Variants in SH3PXD2B observed in about 807,000 individuals in gnomAD.
SH3PXD2B encodes SH3 and PX domain-containing protein 2B.
A neutral mutation model predicts 73.1 loss-of-function variants in SH3PXD2B; 37 were observed. That is an observed-to-expected ratio of 0.51 (90% CI 0.39 to 0.67). The LOEUF is 0.67. Ranked by LOEUF, SH3PXD2B falls within the 30% of genes least tolerant of loss-of-function variation. SH3PXD2B has a pLI of 0.00. For missense variants in SH3PXD2B, 1,053 were observed against 1,197.8 expected (o/e 0.88, Z 1.78); for synonymous variants, 457 against 480.5 (o/e 0.95, Z 0.64).
rs1217488245 is a variant in SH3PXD2B, at chr5:172,390,233, C to T, written c.309+4330G>A. Among the ~76,000 whole-genome samples, 10 of 152,366 alleles carry T rather than the reference C, an allele frequency of 6.6e-5. No individual in the cohort carries two copies. The East Asian group carries it at 1.9e-3, about 29-fold the overall frequency. On this transcript the variant is annotated intron_variant, in intron 4 of 12. Transcript: ENST00000311601. Reference sequence around the variant, plus strand: ...TACCACCCCCAGGTCTGGGAAACCACTGATCTGCTTTTTGCCTCCATAAAT... The same window carrying T: ...TACCACCCCCAGGTCTGGGAAACCATTGATCTGCTTTTTGCCTCCATAAAT...
intron 8 of SH3PXD2B, among the ~76,000 whole-genome samples, chr5:172,354,467 A>G (rs1436542213): frequency 1.3e-5 from 2 of 152,154 alleles, no homozygotes; most frequent in African/African-American, 4.8e-5. Flanking sequence ...TGTCTTGTTC[A>G]TTCCTGTGTC....
At chr5:172,374,371 G>A (rs2569209) in intron 5 of SH3PXD2B, among the ~76,000 whole-genome samples, 56,756 of 151,982 alleles carry the variant, frequency 0.37, 11,080 homozygotes, top group East Asian at 0.68. Context: ...GTCGTCACCC[G>A]TGTCAGAGTT....
At chr5:172,361,696 TGA>T (rs1322063426) in intron 7 of SH3PXD2B, among the ~76,000 whole-genome samples, 1 of 151,884 alleles carries the variant, frequency 6.6e-6, no homozygotes, top group Non-Finnish European at 1.5e-5. Context: ...CAGGCTGTTG[TGA>T]GATGTGGGGT....
At chr5:172,373,142 C>T (rs1198777511) in intron 6 of SH3PXD2B, among the ~76,000 whole-genome samples, 1 of 152,212 alleles carries the variant, frequency 6.6e-6, no homozygotes, top group Non-Finnish European at 1.5e-5. Flanking sequence ...ACGGGAGTCG[C>T]TTGACGCTGC....
chr5:172,380,576 A>G (rs187193177), intron 5 of SH3PXD2B, among the ~76,000 whole-genome samples: 1 of 152,374 alleles, frequency 6.6e-6, no homozygotes, highest in East Asian at 1.9e-4. Context: ...TGCTTACCAG[A>G]CACCAACGCC....
At chr5:172,362,395 A>G (rs1329311192) in intron 7 of SH3PXD2B, among the ~76,000 whole-genome samples, 1 of 152,202 alleles carries the variant, frequency 6.6e-6, no homozygotes, top group Non-Finnish European at 1.5e-5. Context: ...GCCTTCTCGG[A>G]GACTCCCATG....
At position 172,338,312 on chromosome 5, in the gene SH3PXD2B, AAT is replaced by A; in HGVS notation, c.*55_*56del. The A allele has an allele frequency of 6.2e-7, 1 of 1,612,626 alleles. No individual in the cohort carries two copies. Among genetic ancestry groups the A allele is most frequent in the Non-Finnish European group, 8.5e-7 (1 of 1,179,996 alleles). ...GAATGATAAATTAAGAGGCGTATTAAATACGTGGGTAAAGCCAGCAAGGACCA... is the reference window on the plus strand; with the variant it reads ...GAATGATAAATTAAGAGGCGTATTAAACGTGGGTAAAGCCAGCAAGGACCA... On this transcript the variant is annotated 3_prime_UTR_variant, in exon 13 of 13. Transcript: ENST00000311601. This position sits in a 1 kb window ranked among gnomAD's most constrained non-coding sequence, Gnocchi z 5.1.
At chr5:172,398,266 A>G (rs1050121744) in intron 3 of SH3PXD2B, among the ~76,000 whole-genome samples, 3 of 152,250 alleles carry the variant, frequency 2.0e-5, no homozygotes, top group African/African-American at 7.2e-5. Context: ...TATTGATCTT[A>G]AAGATTGTTT....
intron 12 of SH3PXD2B, among the ~76,000 whole-genome samples, chr5:172,326,361 G>A (rs920266630): frequency 6.6e-6 from 1 of 152,220 alleles, no homozygotes; most frequent in Non-Finnish European, 1.5e-5. Flanking sequence ...ACATGTAAAA[G>A]AGGATTCTGT....
At chr5:172,365,859 GACTC>G (rs34626047) in intron 6 of SH3PXD2B, among the ~76,000 whole-genome samples, 50,914 of 151,818 alleles carry the variant, frequency 0.34, 8,905 homozygotes, top group East Asian at 0.65. Flanking sequence ...CTGGTCACTA[GACTC>G]ACTCTTCTCT....
intron 1 of SH3PXD2B, among the ~76,000 whole-genome samples, chr5:172,432,458 C>T (rs1197893557): frequency 7.2e-5 from 11 of 152,154 alleles, no homozygotes; most frequent in Admixed American, 5.9e-4. Flanking sequence ...GGGGGAGTGT[C>T]GCTCATTCAA....
chr5:172,329,294 G>C (rs1343894271), downstream of SH3PXD2B, among the ~76,000 whole-genome samples: 5 of 150,414 alleles, frequency 3.3e-5, no homozygotes, highest in East Asian at 5.9e-4. Context: ...ATGTTGGTCA[G>C]GCTAGTCACG....
At chr5:172,361,888 T>C (rs1444506548) in intron 7 of SH3PXD2B, among the ~76,000 whole-genome samples, 1 of 152,202 alleles carries the variant, frequency 6.6e-6, no homozygotes, top group African/African-American at 2.4e-5. Flanking sequence ...CAACTCGCCA[T>C]TGGGCTGTCA....
chr5:172,419,330 C>T (rs761090076), intron 2 of SH3PXD2B, among the ~76,000 whole-genome samples: 10 of 151,594 alleles, frequency 6.6e-5, no homozygotes, highest in Admixed American at 1.3e-4. Flanking sequence ...CTTCCCACTC[C>T]GCTTCTCATT....
At chr5:172,361,150 T>C (rs772884598) in intron 7 of SH3PXD2B, among the ~76,000 whole-genome samples, 9 of 152,024 alleles carry the variant, frequency 5.9e-5, no homozygotes, top group African/African-American at 1.9e-4. Context: ...CAAGTATATA[T>C]GTATGAATGA....
At chr5:172,366,718 T>C (rs1436569217) in intron 6 of SH3PXD2B, among the ~76,000 whole-genome samples, 2 of 152,018 alleles carry the variant, frequency 1.3e-5, no homozygotes, top group Non-Finnish European at 2.9e-5. Flanking sequence ...CTGCACTCTC[T>C]GCCTCCCGGG....
intron 1 of SH3PXD2B, among the ~76,000 whole-genome samples, chr5:172,424,316 G>A (rs1254345403): frequency 1.3e-5 from 2 of 151,638 alleles, no homozygotes; most frequent in African/African-American, 2.4e-5. Context: ...GTAACTGATG[G>A]TCATGTAGGA....
At position 172,419,178 on chromosome 5, in the gene SH3PXD2B, C is replaced by G. The variant is rs146809027; in HGVS notation, c.156+3238G>C. Among the ~76,000 whole-genome samples, 5 of 152,314 alleles carry G rather than the reference C, an allele frequency of 3.3e-5. 1 individual carries two copies. Among genetic ancestry groups the G allele is most frequent in the African/African-American group, 1.2e-4 (5 of 41,578 alleles). On this transcript the variant is annotated intron_variant, in intron 2 of 12. Transcript: ENST00000311601. ...AGCTGAGATTTGCACCCAGGTCTGT[C>G]TGACTGAAAGCCAAGGTCTTAAGCC...
chr5:172,454,392 G>A lies in SH3PXD2B; in HGVS notation c.-40C>T, dbSNP rs766273502. On this transcript the variant is annotated 5_prime_UTR_variant, in exon 1 of 13. Coordinates refer to ENST00000311601, the MANE Select transcript of SH3PXD2B (RefSeq NM_001017995.3). ...CCGCAGCGGGCCGAGCGCGGGTGCGGGTGGCGCGGGGTGCAGGGAGCGCTG... is the reference window on the plus strand; with the variant it reads ...CCGCAGCGGGCCGAGCGCGGGTGCGAGTGGCGCGGGGTGCAGGGAGCGCTG... The A allele has an allele frequency of 6.1e-4, 801 of 1,311,708 alleles. 2 individuals are homozygous for A. The highest frequency in any genetic ancestry group is 7.7e-4 in the Non-Finnish European group (785 of 1,025,768). The allele number at this position is 1,311,708 out of a possible 1,614,324, so 81.3% of individuals were successfully genotyped here. A position where few individuals can be genotyped will look rare whatever the true frequency, so the allele number is the denominator to read the frequency against.
Sources: allele counts gnomAD v4.1 joint callset (sites outside exome capture counted in the v4.1 genomes callset), GRCh38; gene constraint gnomAD v4.1.1; non-coding constraint Gnocchi (gnomAD v3.1); transcripts MANE v1.5; gene names NCBI Gene and HGNC (gene_info 2026-07-23, HGNC 2026-07-21).